The following MPRIP variants were observed in gnomAD, a reference collection of about 807,000 sequenced individuals.
The protein encoded by MPRIP is myosin phosphatase Rho-interacting protein.
Under a neutral mutation model 234.9 loss-of-function variants are expected in MPRIP, and 59 were observed. That is an observed-to-expected ratio of 0.25 (90% CI 0.20 to 0.31). The LOEUF (loss-of-function observed/expected upper bound fraction) is 0.31. Ranked by LOEUF, MPRIP falls within the 10% of genes least tolerant of loss-of-function variation. MPRIP has a pLI of 1.00. For missense variants in MPRIP, 2,436 were observed against 3,071.0 expected (o/e 0.79, Z 4.89); for synonymous variants, 1,144 against 1,263.9 (o/e 0.91, Z 2.01).
At position 17,158,754 on chromosome 17, in the gene MPRIP, G is replaced by A. The variant is rs1328050759; in HGVS notation, c.2152G>A (p.Asp718Asn). The A allele has an allele frequency of 3.7e-6, 6 of 1,611,358 alleles. No homozygotes were observed. Among genetic ancestry groups the A allele is most frequent in the Non-Finnish European group, 5.1e-6 (6 of 1,179,854 alleles). The part of the protein sequence containing the change: ...EERRKRFGML[D>N]ATDGPGTEDA... ...GCGCCGCAAGCGCTTCGGGATGCTC[G>A]ACGCCACAGACGGGCCAGGCACTGA... The change falls in exon 14 of 24, where the codon GAC becomes AAC. Residue 718 changes from aspartate (D) to asparagine (N), a missense_variant. Around this residue, in one of 4 missense-constraint regions of MPRIP, gnomAD observed 1,998 missense variants for 2,520.3 expected, o/e 0.79. Transcript: ENST00000651222.
intron 5 of MPRIP, among the ~76,000 whole-genome samples, chr17:17,133,168 A>G (rs1346959608): frequency 7.9e-5 from 12 of 152,152 alleles, no homozygotes; most frequent in East Asian, 3.9e-4. Context: ...CAGGGTGGGT[A>G]GGTTACCCAC....
At chr17:17,170,041 A>C (rs952645678) in intron 16 of MPRIP, 3 of 152,040 alleles carry the variant, frequency 2.0e-5, no homozygotes, top group African/African-American at 7.2e-5. Flanking sequence ...AGTAGACTCA[A>C]AGAAAAAAAA....
chr17:17,151,989 C>A (rs1247887939), intron 12 of MPRIP, among the ~76,000 whole-genome samples: 1 of 152,212 alleles, frequency 6.6e-6, no homozygotes, highest in Non-Finnish European at 1.5e-5. Flanking sequence ...GAGAGTTGAT[C>A]CAGTATTTGG....
intron 1 of MPRIP, among the ~76,000 whole-genome samples, chr17:17,063,419 T>C (rs1193337579): frequency 1.3e-5 from 2 of 151,692 alleles, no homozygotes; most frequent in Non-Finnish European, 2.9e-5. Flanking sequence ...TTGAAGGAGG[T>C]GTGGGATTTT....
chr17:17,060,598 G>A, intron 1 of MPRIP, among the ~76,000 whole-genome samples: 1 of 152,200 alleles, frequency 6.6e-6, no homozygotes, highest in Non-Finnish European at 1.5e-5. Context: ...CCTGGGGTCA[G>A]CTCCACTGCC....
At chr17:17,077,769 AAAG>A in intron 2 of MPRIP, 2 of 452,702 alleles carry the variant, frequency 4.4e-6, no homozygotes, top group East Asian at 3.6e-5. Flanking sequence ...AAAAAAAAAA[AAAG>A]ACTTCTTATT....
intron 3 of MPRIP, among the ~76,000 whole-genome samples, chr17:17,124,147 C>T (rs892169533): frequency 6.6e-6 from 1 of 152,188 alleles, no homozygotes; most frequent in African/African-American, 2.4e-5. Flanking sequence ...GCTTCATACT[C>T]ATTTGGTGAG....
At chr17:17,052,444 G>T (rs1318956779) in intron 1 of MPRIP, among the ~76,000 whole-genome samples, 1 of 152,154 alleles carries the variant, frequency 6.6e-6, no homozygotes, top group African/African-American at 2.4e-5. Flanking sequence ...CCCACATTAT[G>T]CAGGTGAGGG....
intron 3 of MPRIP, among the ~76,000 whole-genome samples, chr17:17,094,720 C>T (rs1352591984): frequency 6.6e-6 from 1 of 151,502 alleles, no homozygotes; most frequent in African/African-American, 2.4e-5. Context: ...AAATGATTCT[C>T]CTGCTTCAGC....
At chr17:17,143,722 C>G (rs985595418) in intron 9 of MPRIP, 53 bp downstream of exon 9, 2 of 1,223,140 alleles carry the variant, frequency 1.6e-6, no homozygotes, top group Non-Finnish European at 2.3e-6. Flanking sequence ...CTTCTGGTCA[C>G]TCTGAGGCGC....
In MPRIP at chr17:17,155,109, G is replaced by A. The variant is rs145683639; in HGVS notation, c.1829+694G>A. Among the ~76,000 whole-genome samples, 1,443 of 152,296 alleles carry A rather than the reference G, an allele frequency of 9.5e-3. 15 individuals are homozygous for A. The highest frequency in any genetic ancestry group is 0.011 in the Non-Finnish European group (737 of 68,022). On this transcript the variant is annotated intron_variant, in intron 13 of 23. Transcript: ENST00000651222. ...CTGTCCCCACCTTCAGAGCCTCCAC[G>A]CATCTGAGCACCTCTGGTGCCATTT...
At position 17,176,527 on chromosome 17, in the gene MPRIP, C is replaced by T; in HGVS notation, c.6957+15C>T. The T allele has an allele frequency of 1.2e-6, 2 of 1,604,368 alleles. No individual in the cohort carries two copies. Among genetic ancestry groups the T allele is most frequent in the Non-Finnish European group, 1.7e-6 (2 of 1,171,402 alleles). ...CGGCACTGCGGGTAAGGCCACCGCA[C>T]CACAGGAGGGCGGGTACGGGAACAG... On this transcript the variant is annotated intron_variant, in intron 21 of 23. Coordinates refer to ENST00000651222, the MANE Select transcript of MPRIP (RefSeq NM_001364716.4).
chr17:17,050,013 C>G (rs1365870107), intron 1 of MPRIP, among the ~76,000 whole-genome samples: 5 of 151,056 alleles, frequency 3.3e-5, no homozygotes, highest in Non-Finnish European at 7.4e-5. Context: ...ACAGTGAAAC[C>G]CGTCTCTACT....
In MPRIP at chr17:17,158,692, G is replaced by GGGAGCT; in HGVS notation, c.2096_2101dup (p.Leu699_Glu700dup). 1 of 1,609,064 alleles carries GGGAGCT rather than the reference G, an allele frequency of 6.2e-7. No homozygotes were observed. The highest frequency in any genetic ancestry group is 8.5e-7 in the Non-Finnish European group (1 of 1,179,098). ...CCCCTGCGCCCTGAGGCGGAGCCTG[G>GGGAGCT]GGAGCTGGAGCGGGAGCGTGCACGG... On this transcript the variant is annotated inframe_insertion, in exon 14 of 24. Coordinates refer to ENST00000651222, the MANE Select transcript of MPRIP (RefSeq NM_001364716.4).
At chr17:17,177,857 T>C (rs916744241) in intron 22 of MPRIP, among the ~76,000 whole-genome samples, 1 of 151,924 alleles carries the variant, frequency 6.6e-6, no homozygotes, top group Non-Finnish European at 1.5e-5. Flanking sequence ...TTAGGTACCC[T>C]GTAAAAAATA....
chr17:17,116,643 G>A (rs529124779), intron 3 of MPRIP, among the ~76,000 whole-genome samples: 132 of 152,356 alleles, frequency 8.7e-4, no homozygotes, highest in African/African-American at 3.1e-3. Flanking sequence ...GGAACTCCCA[G>A]AATCACAGGT....
At chr17:17,143,703 G>C in intron 9 of MPRIP, 34 bp downstream of exon 9, 2 of 1,429,284 alleles carry the variant, frequency 1.4e-6, no homozygotes, top group Non-Finnish European at 9.7e-7. Flanking sequence ...CGGAGGCCGT[G>C]CTCCTCTGCT....
intron 3 of MPRIP, among the ~76,000 whole-genome samples, chr17:17,087,959 A>G (rs1247268613): frequency 6.6e-6 from 1 of 152,212 alleles, no homozygotes. Flanking sequence ...TCAAGGACAC[A>G]AAATGGGAAT....
At chr17:17,124,013 G>T (rs1159017614) in intron 3 of MPRIP, among the ~76,000 whole-genome samples, 1 of 152,134 alleles carries the variant, frequency 6.6e-6, no homozygotes, top group Admixed American at 6.5e-5. Context: ...CTTCAGTCCT[G>T]GCTCAGCTTG....
Sources: gnomAD v4.1 joint callset for allele counts (sites outside exome capture counted in the v4.1 genomes callset) on GRCh38, gnomAD v4.1.1 for gene constraint, gnomAD v4.1.1 regional missense constraint, MANE v1.5 for transcripts, NCBI Gene and HGNC (gene_info 2026-07-23, HGNC 2026-07-21) for gene names.